The following NRCAM variants were observed in gnomAD, a reference collection of about 807,000 sequenced individuals.
NRCAM encodes NgCAM-related cell adhesion molecule.
NRCAM carries 83 observed loss-of-function variants against 156.5 expected under a neutral mutation model. That is an observed-to-expected ratio of 0.53 (90% CI 0.44 to 0.64). The LOEUF (loss-of-function observed/expected upper bound fraction) is 0.64. NRCAM is among the 30% of genes least tolerant of loss of function. The probability of loss-of-function intolerance (pLI) is 0.00; values close to 1 mark genes in which losing one functional copy is unlikely to be tolerated. For missense variants in NRCAM, 1,417 were observed against 1,597.3 expected, an observed-to-expected ratio of 0.89 and a Z score of 1.92; for synonymous variants, 538 against 563.9, an observed-to-expected ratio of 0.95 and a Z score of 0.65.
At chr7:108,367,092 A>G (rs777607828) in intron 2 of NRCAM, among the ~76,000 whole-genome samples, 5 of 152,192 alleles carry the variant, frequency 3.3e-5, no homozygotes, top group Non-Finnish European at 5.9e-5. Flanking sequence ...TTTGATTAGA[A>G]CAGAAAATGG....
At chr7:108,455,189 C>G (rs1235884894) in intron 1 of NRCAM, among the ~76,000 whole-genome samples, 1 of 152,160 alleles carries the variant, frequency 6.6e-6, no homozygotes, top group African/African-American at 2.4e-5. Flanking sequence ...CCTTGCTCAC[C>G]CTACTGCGAC....
At chr7:108,205,549 T>C (rs769595713) in intron 13 of NRCAM, among the ~76,000 whole-genome samples, 1 of 152,162 alleles carries the variant, frequency 6.6e-6, no homozygotes, top group East Asian at 1.9e-4. Flanking sequence ...AGCTTCCCCA[T>C]TTTCCCTGCT....
At chr7:108,413,781 T>G (rs927438384) in intron 1 of NRCAM, among the ~76,000 whole-genome samples, 2 of 152,224 alleles carry the variant, frequency 1.3e-5, no homozygotes, top group Non-Finnish European at 2.9e-5. Flanking sequence ...GGTGCTGTAT[T>G]GAGTCCAATT....
intron 2 of NRCAM, among the ~76,000 whole-genome samples, chr7:108,358,984 G>C (rs924082399): frequency 2.0e-5 from 3 of 152,306 alleles, no homozygotes; most frequent in Admixed American, 2.0e-4. Context: ...ATAAGCTCAG[G>C]ACCTGGCTGA....
chr7:108,401,946 A>C (rs1253669488), intron 1 of NRCAM, among the ~76,000 whole-genome samples: 2 of 152,208 alleles, frequency 1.3e-5, no homozygotes, highest in Non-Finnish European at 2.9e-5. Flanking sequence ...CAGGCTAAAC[A>C]ATTAAATTTC....
intron 2 of NRCAM, among the ~76,000 whole-genome samples, chr7:108,344,633 A>G (rs2099331092): frequency 6.6e-6 from 1 of 152,170 alleles, no homozygotes; most frequent in South Asian, 2.1e-4. Flanking sequence ...AAGTTCAATG[A>G]ACTGTTTATA....
chr7:108,386,328 T>C (rs943143038), intron 2 of NRCAM, among the ~76,000 whole-genome samples: 27 of 152,184 alleles, frequency 1.8e-4, no homozygotes, highest in Non-Finnish European at 2.9e-4. Flanking sequence ...CTTCCTTTTA[T>C]CTTCCAACAC....
chr7:108,295,265 T>G (rs1400379623), intron 3 of NRCAM, among the ~76,000 whole-genome samples: 1 of 152,206 alleles, frequency 6.6e-6, no homozygotes. Flanking sequence ...CTCTCTAAAA[T>G]CAAATGTTCT....
chr7:108,397,636 C>A (rs1020769570), intron 2 of NRCAM, among the ~76,000 whole-genome samples: 52 of 152,148 alleles, frequency 3.4e-4, no homozygotes, highest in African/African-American at 1.2e-3. Context: ...TGCTGAAACA[C>A]TGGGCAGAGC....
intron 3 of NRCAM, among the ~76,000 whole-genome samples, chr7:108,294,934 C>T (rs1256155725): frequency 1.3e-5 from 2 of 152,164 alleles, no homozygotes; most frequent in East Asian, 3.8e-4. Flanking sequence ...ATTAGTATCC[C>T]TAAAGTCCAC....
chr7:108,435,467 G>T (rs572385732), intron 1 of NRCAM, among the ~76,000 whole-genome samples: 1 of 152,092 alleles, frequency 6.6e-6, no homozygotes, highest in African/African-American at 2.4e-5. Context: ...GCAGAGGAGA[G>T]GGGGAGAAGA....
At position 108,388,633 on chromosome 7, in the gene NRCAM, C is replaced by T. The variant is rs551739374; in HGVS notation, c.-174+10803G>A. On this transcript the variant is annotated intron_variant, in intron 2 of 32. Coordinates refer to ENST00000379028, the MANE Select transcript of NRCAM (RefSeq NM_001037132.4). ...GGTGTTTTAGACTTGAAGTGCTTGC[C>T]CATGCCTATGTCCTGAATGGTATTG... Among the ~76,000 whole-genome samples, 25 of 152,212 alleles carry T rather than the reference C, an allele frequency of 1.6e-4. No homozygotes were observed. In the South Asian group the frequency reaches 5.2e-3, roughly 32 times the overall value.
At chr7:108,230,725 C>CT (rs35174617) in intron 8 of NRCAM, among the ~76,000 whole-genome samples, 35,402 of 147,656 alleles carry the variant, frequency 0.24, 4,371 homozygotes, top group Non-Finnish European at 0.28. Context: ...CAAAACTCTG[C>CT]TTTTTTTTTT....
intron 2 of NRCAM, among the ~76,000 whole-genome samples, chr7:108,380,208 TCATAAA>T (rs1415321766): frequency 2.0e-5 from 3 of 152,300 alleles, no homozygotes; most frequent in Admixed American, 2.0e-4. Flanking sequence ...TGAATAAATC[TCATAAA>T]CATAACATTA....
At chr7:108,347,631 C>G (rs1268646854) in intron 2 of NRCAM, among the ~76,000 whole-genome samples, 2 of 152,180 alleles carry the variant, frequency 1.3e-5, no homozygotes, top group Non-Finnish European at 2.9e-5. Flanking sequence ...CTAATAATCC[C>G]TAAACCCTGC....
intron 3 of NRCAM, among the ~76,000 whole-genome samples, chr7:108,244,436 T>C (rs1238938346): frequency 6.6e-6 from 1 of 152,192 alleles, no homozygotes; most frequent in Non-Finnish European, 1.5e-5. Flanking sequence ...TCACTTTTTA[T>C]ATTTTAAATA....
At chr7:108,278,606 T>C (rs1015712216) in intron 3 of NRCAM, among the ~76,000 whole-genome samples, 1 of 152,280 alleles carries the variant, frequency 6.6e-6, no homozygotes, top group African/African-American at 2.4e-5. Flanking sequence ...GTGAAGACCA[T>C]AGGAAAAGCA....
intron 32 of NRCAM, among the ~76,000 whole-genome samples, chr7:108,152,400 G>A (rs957925203): frequency 3.3e-5 from 5 of 151,930 alleles, no homozygotes; most frequent in Admixed American, 1.3e-4. Flanking sequence ...ACACTAAGGA[G>A]CTTGGTGTGG....
intron 2 of NRCAM, among the ~76,000 whole-genome samples, chr7:108,369,999 G>A (rs10269201): frequency 5.9e-5 from 9 of 152,046 alleles, no homozygotes; most frequent in African/African-American, 1.7e-4. Flanking sequence ...AAACTATTAC[G>A]ATTAAAAGAG....
Sources: gnomAD v4.1 joint callset for allele counts (sites outside exome capture counted in the v4.1 genomes callset) on GRCh38, gnomAD v4.1.1 for gene constraint, MANE v1.5 for transcripts, NCBI Gene and HGNC (gene_info 2026-07-23, HGNC 2026-07-21) for gene names.